ZBTB39: variants seen among roughly 807,000 people sequenced by gnomAD.
ZBTB39 encodes the protein zinc finger and BTB domain containing 39.
Under a neutral mutation model 39.4 loss-of-function variants are expected in ZBTB39, and 25 were observed. The ratio of observed to expected loss-of-function variants is 0.63; its 90% CI spans 0.46 to 0.89. The LOEUF (loss-of-function observed/expected upper bound fraction) is 0.89. Ranked by LOEUF, ZBTB39 falls within the 40% of genes least tolerant of loss-of-function variation. ZBTB39 has a pLI of 0.00. For synonymous variants in ZBTB39, 373 were observed against 359.6 expected (o/e 1.04, Z -0.42); for missense variants, 891 against 909.7 (o/e 0.98, Z 0.26).
At position 57,003,994 on chromosome 12, in the gene ZBTB39, G is replaced by A. The variant is rs139327271; in HGVS notation, c.924C>T (p.Asp308=). Residue 308 remains aspartate (D), a synonymous_variant, in exon 2 of 2, where the codon GAC becomes GAT. Coordinates refer to ENST00000300101, the MANE Select transcript of ZBTB39 (RefSeq NM_014830.3). This position sits in a 1 kb window ranked among gnomAD's most constrained non-coding sequence, Gnocchi z 4.8. ...DLGDDDLQFE[D]PAEDIGTTEE... is the part of the protein sequence containing the mutation. ...CAGTTGTGCCTATATCCTCAGCAGG[G>A]TCTTCAAACTGCAAGTCATCATCCC... The A allele has an allele frequency of 1.7e-5, 28 of 1,614,108 alleles. No individual in the cohort carries two copies. In the African/African-American group the frequency reaches 3.2e-4, roughly 18 times the overall value.
rs1356147215 is a variant in ZBTB39 at position 57,003,785 on chromosome 12, T to G, written c.1133A>C (p.Glu378Ala). Residue 378 changes from glutamate to alanine, a missense_variant, in exon 2 of 2, where the codon GAG becomes GCG. Glu to Ala is a moderately radical substitution (Grantham distance 107). Coordinates refer to ENST00000300101, the MANE Select transcript of ZBTB39 (RefSeq NM_014830.3). This position sits in a 1 kb window ranked among gnomAD's most constrained non-coding sequence, Gnocchi z 4.8. ...GGAGTTTCGGTCCTGGAAGTGGGTC[T>G]CGCAGACCTTGCAGTTGCCCGTCAG... The part of the protein sequence containing the change: ...DLLTGNCKVC[E>A]THFQDRNSRV... The G allele has an allele frequency of 6.2e-7, 1 of 1,614,082 alleles. No individual in the cohort carries two copies. The highest frequency in any genetic ancestry group is 8.5e-7 in the Non-Finnish European group (1 of 1,180,050).
Position 57,004,940 on chromosome 12 carries a change from C to T in ZBTB39, c.-23G>A. 2 of 1,560,888 alleles carry T rather than the reference C, an allele frequency of 1.3e-6. No homozygotes were observed. The highest frequency in any genetic ancestry group is 1.7e-6 in the Non-Finnish European group (2 of 1,149,880). On this transcript the variant is annotated 5_prime_UTR_variant, in exon 2 of 2. Coordinates refer to ENST00000300101, the MANE Select transcript of ZBTB39 (RefSeq NM_014830.3). Reference sequence around the variant, plus strand: ...CATCTTAGCAGCTCCTATGAAATTACCTCCTTATCAGCACAGTTAATCTGT... The same window carrying T: ...CATCTTAGCAGCTCCTATGAAATTATCTCCTTATCAGCACAGTTAATCTGT...
chr12:57,004,970 A>G lies in ZBTB39; in HGVS notation c.-44-9T>C. ...TTATCAGCACAGTTAATCTGTGGAT[A>G]GCAAGAGAAAAAGATGGATGGCCAA... On this transcript the variant is annotated splice_polypyrimidine_tract_variant and intron_variant, in intron 1 of 1. Transcript: ENST00000300101. The G allele has an allele frequency of 6.6e-7, 1 of 1,514,454 alleles. No homozygotes were observed. The allele number at this position is 1,514,454 out of a possible 1,614,324, so 93.8% of individuals were successfully genotyped here.
intron 1 of ZBTB39, among the ~76,000 whole-genome samples, chr12:57,006,117 C>T (rs1459784291): frequency 6.6e-6 from 1 of 152,152 alleles, no homozygotes; most frequent in Non-Finnish European, 1.5e-5. Context: ...GGAGTCGCAT[C>T]TGGGAGGGAA....
Position 57,001,085 on chromosome 12 carries a change from G to A in ZBTB39, c.*1694C>T, listed in dbSNP as rs1293932838. The stretch of plus-strand genomic sequence containing the variant: ...CTAAAGTGTTCCCTGGGTTTATTAT[G>A]CTAGAGACAATCTGGAGAAGAAGAA... On this transcript the variant is annotated 3_prime_UTR_variant, in exon 2 of 2. Transcript: ENST00000300101. 2.0e-5 allele frequency: 3 copies of A among 152,182 alleles called. No individual in the cohort carries two copies. The highest frequency in any genetic ancestry group is 2.0e-4 in the Admixed American group (3 of 15,282). The allele number at this position is 152,182 out of a possible 1,614,324, so 9.4% of individuals were successfully genotyped here. A position where few individuals can be genotyped will look rare whatever the true frequency, so the allele number is the denominator to read the frequency against.
Position 57,004,867 on chromosome 12 carries a change from C to T in ZBTB39, c.51G>A (p.Leu17=), listed in dbSNP as rs1956236234. Residue 17 remains leucine, a synonymous_variant, in exon 2 of 2, where the codon CTG becomes CTA. Transcript: ENST00000300101. ...AGAGCCGGCACTTGTTGAGTTCCTT[C>T]AGCAGGTTGTTGGGGTGGTTGGTGC... ...LQSTNHPNNL[L]KELNKCRLSE... 1.2e-6 allele frequency: 2 copies of T among 1,612,406 alleles called. No homozygotes were observed.
rs1389597814 is a variant in ZBTB39, at chr12:56,999,606, G to A, written c.*3173C>T. 6.6e-6 allele frequency: 1 copy of A among 152,092 alleles called. No homozygotes were observed. The allele number at this position is 152,092 out of a possible 1,614,324, so 9.4% of individuals were successfully genotyped here. A position where few individuals can be genotyped will look rare whatever the true frequency, so the allele number is the denominator to read the frequency against. On this transcript the variant is annotated 3_prime_UTR_variant, in exon 2 of 2. Transcript: ENST00000300101. ...AACTCCATGGAGTCATAAAATTTAG[G>A]ACCAAATACTAAGGTTCAGCAGAGC... is the stretch of plus-strand genomic sequence containing the variant.
rs1372595001 is a variant in ZBTB39 at position 57,003,916 on chromosome 12, C to G, written c.1002G>C (p.Glu334Asp). 26 of 1,614,108 alleles carry G rather than the reference C, an allele frequency of 1.6e-5. No homozygotes were observed. The highest frequency in any genetic ancestry group is 2.1e-5 in the Non-Finnish European group (25 of 1,180,046). The change falls in exon 2 of 2, where the codon GAG (glutamate) becomes GAC (aspartate). Residue 334 changes from glutamate to aspartate, a missense_variant. By Grantham distance (45) the Glu-to-Asp change is conservative. Coordinates refer to ENST00000300101, the MANE Select transcript of ZBTB39 (RefSeq NM_014830.3). This position sits in a 1 kb window ranked among gnomAD's most constrained non-coding sequence, Gnocchi z 4.8. ...DDSEDELAFG[E>D]NDNRENKAMP... ...TGGCCTTATTCTCCCGATTGTCATT[C>G]TCTCCAAAAGCCAACTCATCCTCAC...
chr12:57,005,745 A>C (rs1026118763), intron 1 of ZBTB39, among the ~76,000 whole-genome samples: 9 of 152,226 alleles, frequency 5.9e-5, no homozygotes, highest in African/African-American at 2.2e-4. Flanking sequence ...TGCCGCAAGA[A>C]AGACTTCTAA....
rs891772350 is a variant in ZBTB39, at chr12:57,001,100, G to A, written c.*1679C>T. The stretch of plus-strand genomic sequence containing the variant: ...GGTTTATTATGCTAGAGACAATCTG[G>A]AGAAGAAGAATTTGCTTAAGGGCTT... On this transcript the variant is annotated 3_prime_UTR_variant, in exon 2 of 2. Coordinates refer to ENST00000300101, the MANE Select transcript of ZBTB39 (RefSeq NM_014830.3). 6.6e-6 allele frequency: 1 copy of A among 152,166 alleles called. No homozygotes were observed. The highest frequency in any genetic ancestry group is 1.5e-5 in the Non-Finnish European group (1 of 68,040). 9.4% of individuals were successfully genotyped at this position (152,166 alleles called of 1,614,324 possible). A position where few individuals can be genotyped will look rare whatever the true frequency, so the allele number is the denominator to read the frequency against.
intron 1 of ZBTB39, among the ~76,000 whole-genome samples, chr12:57,005,700 T>C (rs1055569977): frequency 1.3e-5 from 2 of 152,224 alleles, no homozygotes; most frequent in African/African-American, 2.4e-5. Flanking sequence ...TCGGGGTTTA[T>C]ATTTTGTTGT....
intron 1 of ZBTB39, among the ~76,000 whole-genome samples, chr12:57,006,052 G>A (rs949751251): frequency 7.2e-5 from 11 of 152,236 alleles, no homozygotes; most frequent in African/African-American, 2.4e-4. Flanking sequence ...AGAGGGGGAA[G>A]CTGGGAACTT....
In ZBTB39 at chr12:57,003,972, T is replaced by C; in HGVS notation, c.946A>G (p.Thr316Ala). ...FEDPAEDIGT[T>A]EEVIELSDDS... Reference sequence around the variant, plus strand: ...TCACTCAGCTCAATCACCTCCTCAGTTGTGCCTATATCCTCAGCAGGGTCT... The same window carrying C: ...TCACTCAGCTCAATCACCTCCTCAGCTGTGCCTATATCCTCAGCAGGGTCT... Residue 316 changes from threonine to alanine, a missense_variant, in exon 2 of 2, where the codon ACT becomes GCT. Coordinates refer to ENST00000300101, the MANE Select transcript of ZBTB39 (RefSeq NM_014830.3). This position sits in a 1 kb window ranked among gnomAD's most constrained non-coding sequence, Gnocchi z 4.8. The C allele has an allele frequency of 1.1e-5, 18 of 1,614,254 alleles. No individual in the cohort carries two copies. Among genetic ancestry groups the C allele is most frequent in the Non-Finnish European group, 1.4e-5 (17 of 1,180,044 alleles).
rs752622422 is a variant in ZBTB39, at chr12:56,999,547, C to T, written c.*3232G>A. On this transcript the variant is annotated 3_prime_UTR_variant, in exon 2 of 2. Coordinates refer to ENST00000300101, the MANE Select transcript of ZBTB39 (RefSeq NM_014830.3). Reference sequence around the variant, plus strand: ...TCACCTGGGCCTGACCCTTATCCCACCTCCTTTCTTCCTAACTAGCCATGG... The same window carrying T: ...TCACCTGGGCCTGACCCTTATCCCATCTCCTTTCTTCCTAACTAGCCATGG... 5 of 152,202 alleles carry T rather than the reference C, an allele frequency of 3.3e-5. No individual in the cohort carries two copies. Among genetic ancestry groups the T allele is most frequent in the Non-Finnish European group, 7.3e-5 (5 of 68,030 alleles). The allele number at this position is 152,202 out of a possible 1,614,324, so 9.4% of individuals were successfully genotyped here.
rs199627646 is a variant in ZBTB39 at position 57,003,854 on chromosome 12, T to C, written c.1064A>G (p.Asn355Ser). 422 of 1,614,180 alleles carry C rather than the reference T, an allele frequency of 2.6e-4. 3 individuals carry two copies. The Admixed American group carries it at 6.6e-3, about 25-fold the overall frequency. Residue 355 changes from asparagine (N) to serine (S), a missense_variant, in exon 2 of 2, where the codon AAC becomes AGC. Coordinates refer to ENST00000300101, the MANE Select transcript of ZBTB39 (RefSeq NM_014830.3). This position sits in a 1 kb window ranked among gnomAD's most constrained non-coding sequence, Gnocchi z 4.8. ...AGCATGCTGCCGGATCAGTTGAATG[T>C]TGGGCTCTAGAACTTTCTTGCACAC... is the stretch of plus-strand genomic sequence containing the variant. ...CQVCKKVLEP[N>S]IQLIRQHARD...
Position 57,004,508 on chromosome 12 carries a change from G to C in ZBTB39, c.410C>G (p.Thr137Ser). The change falls in exon 2 of 2, where the codon ACC becomes AGC. Residue 137 changes from threonine to serine, a missense_variant. Coordinates refer to ENST00000300101, the MANE Select transcript of ZBTB39 (RefSeq NM_014830.3). The stretch of plus-strand genomic sequence containing the variant: ...CAGGGTACCAGAGTGGCTCTCACTG[G>C]TGCTGGTCAGGGGCTTGGCCCTGGC... Reference protein sequence around the residue: ...STARAKPLTSTSESHSGTLSC... With the variant: ...STARAKPLTSSSESHSGTLSC... The C allele has an allele frequency of 6.2e-7, 1 of 1,614,188 alleles. No homozygotes were observed. Among genetic ancestry groups the C allele is most frequent in the South Asian group, 1.1e-5 (1 of 91,078 alleles).
At chr12:57,005,016 G>A in intron 1 of ZBTB39, 55 bp from the exon 2 acceptor site, 1 of 1,286,412 alleles carries the variant, frequency 7.8e-7, no homozygotes, top group Non-Finnish European at 1.1e-6. Flanking sequence ...GCAAAAGAGG[G>A]GCTATGCAGG....
rs1226520117 is a variant in ZBTB39, at chr12:56,999,868, T to A, written c.*2911A>T. The stretch of plus-strand genomic sequence containing the variant: ...ATGAATAAGAGGGCTCCACAAATGA[T>A]GTAGCTGGTCCTGAGTACATACCAA... On this transcript the variant is annotated 3_prime_UTR_variant, in exon 2 of 2. Coordinates refer to ENST00000300101, the MANE Select transcript of ZBTB39 (RefSeq NM_014830.3). 6.6e-6 allele frequency: 1 copy of A among 152,200 alleles called. No homozygotes were observed. The highest frequency in any genetic ancestry group is 2.4e-5 in the African/African-American group (1 of 41,440). 9.4% of individuals were successfully genotyped at this position (152,200 alleles called of 1,614,324 possible). A position where few individuals can be genotyped will look rare whatever the true frequency, so the allele number is the denominator to read the frequency against.
chr12:57,003,436 G>A lies in ZBTB39; in HGVS notation c.1482C>T (p.Ser494=). Reference sequence around the variant, plus strand: ...GATGGGACAGCGTGTGCCACATGAGGCTGCAGAGGTTAAGGTGACGCTGGT... The same window carrying A: ...GATGGGACAGCGTGTGCCACATGAGACTGCAGAGGTTAAGGTGACGCTGGT... ...VCDQRHLNLC[S]LMWHTLSHLG... Residue 494 remains serine (S), a synonymous_variant, in exon 2 of 2, where the codon AGC becomes AGT. Coordinates refer to ENST00000300101, the MANE Select transcript of ZBTB39 (RefSeq NM_014830.3). The surrounding 1 kb of genome is among the most constrained non-coding windows in gnomAD (Gnocchi z 4.8). The A allele has an allele frequency of 6.2e-7, 1 of 1,614,128 alleles. No individual in the cohort carries two copies. Among genetic ancestry groups the A allele is most frequent in the Non-Finnish European group, 8.5e-7 (1 of 1,179,948 alleles).
Sources: allele counts gnomAD v4.1 joint callset (sites outside exome capture counted in the v4.1 genomes callset), GRCh38; gene constraint gnomAD v4.1.1; non-coding constraint Gnocchi (gnomAD v3.1); transcripts MANE v1.5; gene names NCBI Gene and HGNC (gene_info 2026-07-23, HGNC 2026-07-21).